The following ZNF232 variants were observed in gnomAD, a reference collection of about 807,000 sequenced individuals.
The protein encoded by ZNF232 is zinc finger and SCAN domain-containing protein 11.
A neutral mutation model predicts 25.2 loss-of-function variants in ZNF232; 25 were observed. The ratio of observed to expected loss-of-function variants is 0.99; its 90% confidence interval spans 0.72 to 1.39. The LOEUF is 1.39. Among genes scored for constraint, ZNF232 ranks in the 40% most tolerant of loss-of-function variants. The pLI, the probability that ZNF232 is intolerant of heterozygous loss-of-function variation, is 0.00. For missense variants in ZNF232, 519 were observed against 520.9 expected (o/e 1.00, Z 0.04); for synonymous variants, 193 against 182.9 (o/e 1.06, Z -0.45).
exon 4 of ZNF232, chr17:5,106,360 G>C (rs1302976061): frequency 6.2e-7 from 1 of 1,614,086 alleles, no homozygotes; most frequent in East Asian, 2.2e-5. Flanking sequence ...TTTCTCTGCT[G>C]CAGTTCTAAG....
intron 3 of ZNF232, among the ~76,000 whole-genome samples, chr17:5,107,536 C>A (rs1332527756): frequency 3.2e-5 from 4 of 125,516 alleles, no homozygotes; most frequent in South Asian, 2.3e-4. Context: ...AACTCAAGGT[C>A]ATTTGACTTT....
At chr17:5,111,768 T>C (rs746786916) in intron 1 of ZNF232, 32 bp downstream of exon 1, 1 of 1,613,522 alleles carries the variant, frequency 6.2e-7, no homozygotes. Context: ...AGCCGCCAGG[T>C]GGACCTCGGG....
At chr17:5,113,366 T>A (rs2072462430), upstream of ZNF232, 1 of 152,242 alleles carries the variant, frequency 6.6e-6, no homozygotes, top group South Asian at 2.1e-4. Context: ...TGTATTAATG[T>A]CATTATCTTG....
chr17:5,115,895 G>A (rs1226176882), upstream of ZNF232, among the ~76,000 whole-genome samples: 1 of 152,182 alleles, frequency 6.6e-6, no homozygotes, highest in Non-Finnish European at 1.5e-5. Context: ...CGAGGCGCCG[G>A]GCTAGGGAAA....
chr17:5,105,943 G>A (rs200610356), exon 4 of ZNF232: 106 of 1,613,998 alleles, frequency 6.6e-5, no homozygotes, highest in Admixed American at 1.0e-4. Context: ...TGAATTCTCC[G>A]ATGCTGACTT....
upstream of ZNF232, chr17:5,111,892 G>A: frequency 3.1e-6 from 5 of 1,596,950 alleles, no homozygotes; most frequent in Admixed American, 8.6e-5. Flanking sequence ...TGCGCAGGTC[G>A]CAGCCTCGGC....
chr17:5,106,194 T>C (rs778744104), exon 4 of ZNF232: 1 of 1,614,268 alleles, frequency 6.2e-7, no homozygotes. Flanking sequence ...ATGAACTCTC[T>C]GGTGGACAAC....
At chr17:5,110,411 T>C (rs765513144) in intron 1 of ZNF232, among the ~76,000 whole-genome samples, 14 of 151,970 alleles carry the variant, frequency 9.2e-5, no homozygotes, top group Non-Finnish European at 1.5e-4. Flanking sequence ...AGGAAAAATG[T>C]ATCAAGAAAA....
At chr17:5,109,109 T>C (rs1369158010) in intron 2 of ZNF232, 57 bp from the exon 3 acceptor site, 3 of 1,610,710 alleles carry the variant, frequency 1.9e-6, no homozygotes, top group Middle Eastern at 1.7e-4. Context: ...TAGTGTGGTT[T>C]CTGTCCCCTG....
At chr17:5,107,394 GAAAAA>G (rs749338515) in intron 3 of ZNF232, among the ~76,000 whole-genome samples, 3 of 60,680 alleles carry the variant, frequency 4.9e-5, no homozygotes, top group African/African-American at 6.2e-5. Flanking sequence ...TCTCAAAAAG[GAAAAA>G]AAAAAAAAAA....
chr17:5,108,002 T>C (rs969399009), intron 3 of ZNF232, among the ~76,000 whole-genome samples: 4 of 151,498 alleles, frequency 2.6e-5, no homozygotes, highest in Non-Finnish European at 4.4e-5. Flanking sequence ...TAAACAGAAG[T>C]AAAGGAGACA....
intron 1 of ZNF232, among the ~76,000 whole-genome samples, chr17:5,121,123 A>G (rs1220489291): frequency 2.0e-5 from 3 of 152,202 alleles, no homozygotes; most frequent in African/African-American, 7.2e-5. Flanking sequence ...AGGGACAGCA[A>G]TAGGTGCAAA....
intron 2 of ZNF232, 80 bp downstream of exon 2, chr17:5,109,314 C>T (rs1597923101): frequency 1.3e-6 from 2 of 1,547,882 alleles, no homozygotes; most frequent in East Asian, 4.5e-5. Context: ...GAACTTGGCA[C>T]CTCCCCCTAC....
intron 1 of ZNF232, among the ~76,000 whole-genome samples, chr17:5,117,043 C>T (rs569266969): frequency 7.2e-5 from 11 of 152,292 alleles, no homozygotes; most frequent in Admixed American, 6.5e-4. Flanking sequence ...AGAAAGCCTT[C>T]CCCAGCTAGG....
chr17:5,109,432 G>A (rs887849733), exon 2 of ZNF232: 1 of 1,613,792 alleles, frequency 6.2e-7, no homozygotes, highest in Admixed American at 1.7e-5. Context: ...AAATCCTCCA[G>A]CACAGTCACA....
upstream of ZNF232, chr17:5,115,142 G>A (rs1014366421): frequency 2.0e-5 from 3 of 151,846 alleles, no homozygotes; most frequent in Non-Finnish European, 1.5e-5. Context: ...GAGCCAGGAA[G>A]GCATCAGGAC....
chr17:5,105,901 A>C, exon 4 of ZNF232: 1 of 1,614,156 alleles, frequency 6.2e-7, no homozygotes, highest in Non-Finnish European at 8.5e-7. Flanking sequence ...GCTTTCCCAC[A>C]TTCTTTACAT....
chr17:5,120,962 G>A (rs2072643624), intron 1 of ZNF232, among the ~76,000 whole-genome samples: 1 of 152,206 alleles, frequency 6.6e-6, no homozygotes, highest in African/African-American at 2.4e-5. Context: ...GAGGACTCAA[G>A]CTCACACAGC....
intron 3 of ZNF232, among the ~76,000 whole-genome samples, chr17:5,107,845 G>C (rs1401079023): frequency 1.3e-5 from 2 of 151,848 alleles, no homozygotes; most frequent in African/African-American, 4.8e-5. Flanking sequence ...AAGATCATTT[G>C]ATTTTTTAAA....
Sources: gnomAD v4.1 joint callset for allele counts (sites outside exome capture counted in the v4.1 genomes callset) on GRCh38, gnomAD v4.1.1 for gene constraint, MANE v1.5 for transcripts, NCBI Gene and HGNC (gene_info 2026-07-23, HGNC 2026-07-21) for gene names.